Variants in LHFPL6 observed in about 807,000 individuals in gnomAD.
The protein encoded by LHFPL6 is LHFPL tetraspan subfamily member 6 protein.
A neutral mutation model predicts 20.6 loss-of-function variants in LHFPL6; 9 were observed. The observed-to-expected ratio is 0.44, with a 90% CI of 0.26 to 0.76. LHFPL6 has a LOEUF of 0.76. LHFPL6 is among the 30% of genes least tolerant of loss of function. The pLI is 0.20. For missense variants in LHFPL6, 218 were observed against 253.5 expected (o/e 0.86, Z 0.95); for synonymous variants, 105 against 98.7 (o/e 1.06, Z -0.38).
chr13:39,498,489 C>A (rs1023894817), intron 2 of LHFPL6, among the ~76,000 whole-genome samples: 6 of 152,164 alleles, frequency 3.9e-5, no homozygotes, highest in African/African-American at 1.2e-4. Flanking sequence ...GGCATATTGG[C>A]CCCTTTTTCT....
At chr13:39,588,316 A>G (rs1231692555) in intron 2 of LHFPL6, among the ~76,000 whole-genome samples, 2 of 152,232 alleles carry the variant, frequency 1.3e-5, no homozygotes, top group African/African-American at 2.4e-5. Flanking sequence ...TTTGACATAC[A>G]GTGGGCACTC....
intron 2 of LHFPL6, among the ~76,000 whole-genome samples, chr13:39,420,401 C>T (rs1260128115): frequency 1.3e-5 from 2 of 152,146 alleles, no homozygotes; most frequent in East Asian, 1.9e-4. Context: ...AATAGTAAGA[C>T]AAGCACTTAA....
At chr13:39,490,512 T>C (rs1868887355) in intron 2 of LHFPL6, among the ~76,000 whole-genome samples, 1 of 152,076 alleles carries the variant, frequency 6.6e-6, no homozygotes, top group Admixed American at 6.6e-5. Flanking sequence ...CTGGAAAAAA[T>C]CATGCTGGAT....
At chr13:39,435,896 T>C (rs1871945422) in intron 2 of LHFPL6, among the ~76,000 whole-genome samples, 2 of 152,154 alleles carry the variant, frequency 1.3e-5, no homozygotes, top group African/African-American at 4.8e-5. Context: ...AACTATTTTC[T>C]ATTAAACCAG....
intron 2 of LHFPL6, among the ~76,000 whole-genome samples, chr13:39,537,902 G>A (rs1317958562): frequency 6.6e-6 from 1 of 151,970 alleles, no homozygotes; most frequent in Non-Finnish European, 1.5e-5. Context: ...AACAAAAAAG[G>A]GAGCAAGAAA....
intron 2 of LHFPL6, among the ~76,000 whole-genome samples, chr13:39,548,042 C>T (rs142397618): frequency 9.1e-4 from 138 of 152,034 alleles, no homozygotes; most frequent in African/African-American, 2.4e-3. Flanking sequence ...CATTGTTCTA[C>T]GTCAAAGACA....
intron 2 of LHFPL6, among the ~76,000 whole-genome samples, chr13:39,524,290 G>A (rs559684979): frequency 2.6e-5 from 4 of 151,934 alleles, no homozygotes; most frequent in Non-Finnish European, 4.4e-5. Context: ...CAGGGTTTTG[G>A]GGGTTTTGTT....
intron 2 of LHFPL6, among the ~76,000 whole-genome samples, chr13:39,523,798 G>A (rs949937872): frequency 1.3e-5 from 2 of 152,258 alleles, no homozygotes; most frequent in Admixed American, 6.5e-5. Flanking sequence ...ATTTAAAAGT[G>A]AGTAAAACTT....
intron 2 of LHFPL6, among the ~76,000 whole-genome samples, chr13:39,402,365 T>C (rs533023732): frequency 6.6e-6 from 1 of 152,104 alleles, no homozygotes; most frequent in Non-Finnish European, 1.5e-5. Context: ...GCTGGGACTA[T>C]AGGCACGCAC....
intron 2 of LHFPL6, among the ~76,000 whole-genome samples, chr13:39,558,026 A>G (rs1374597038): frequency 6.6e-6 from 1 of 152,176 alleles, no homozygotes; most frequent in Admixed American, 6.5e-5. Context: ...TGCTGGCACC[A>G]TGCTTTCCGT....
intron 2 of LHFPL6, among the ~76,000 whole-genome samples, chr13:39,584,260 G>A (rs1387980450): frequency 6.6e-6 from 1 of 152,114 alleles, no homozygotes; most frequent in Non-Finnish European, 1.5e-5. Flanking sequence ...AAGAACCAAT[G>A]GCCGGGCACG....
intron 2 of LHFPL6, among the ~76,000 whole-genome samples, chr13:39,596,250 G>C (rs1222577216): frequency 6.6e-6 from 1 of 152,098 alleles, no homozygotes; most frequent in Non-Finnish European, 1.5e-5. Context: ...AACTACAGCA[G>C]CAGACCCCCT....
chr13:39,457,278 CT>C (rs1872593975), intron 2 of LHFPL6, among the ~76,000 whole-genome samples: 1 of 152,104 alleles, frequency 6.6e-6, no homozygotes, highest in Admixed American at 6.5e-5. Flanking sequence ...ATACGAAGAA[CT>C]CTTATAATTC....
intron 2 of LHFPL6, among the ~76,000 whole-genome samples, chr13:39,598,024 A>G (rs1424761025): frequency 6.6e-6 from 1 of 152,234 alleles, no homozygotes; most frequent in East Asian, 1.9e-4. Flanking sequence ...CTTTAGCTAA[A>G]CATAACCCTC....
At chr13:39,556,119 C>T (rs1871296439) in intron 2 of LHFPL6, among the ~76,000 whole-genome samples, 2 of 152,176 alleles carry the variant, frequency 1.3e-5, no homozygotes, top group South Asian at 4.2e-4. Context: ...GCCATGTTTC[C>T]TGTACAGCCA....
At chr13:39,517,503 A>G (rs1393738003) in intron 2 of LHFPL6, among the ~76,000 whole-genome samples, 2 of 152,192 alleles carry the variant, frequency 1.3e-5, no homozygotes, top group African/African-American at 4.8e-5. Context: ...ACTATTGTCT[A>G]TACTGAAGAT....
At position 39,571,340 on chromosome 13, in the gene LHFPL6, A is replaced by T. The variant is rs116787654; in HGVS notation, c.385+29492T>A. Among the ~76,000 whole-genome samples, 704 of 151,986 alleles carry T rather than the reference A, an allele frequency of 4.6e-3. 5 individuals are homozygous for T. Among genetic ancestry groups the T allele is most frequent in the African/African-American group, 0.016 (670 of 41,426 alleles). On this transcript the variant is annotated intron_variant, in intron 2 of 3. Transcript: ENST00000379589. ...CCCTTCACCTATTTTACATATCCCT[A>T]CCCTTTCCTAATTGGTCTTCTACAC...
intron 2 of LHFPL6, among the ~76,000 whole-genome samples, chr13:39,596,426 T>C (rs963403126): frequency 6.6e-6 from 1 of 152,164 alleles, no homozygotes; most frequent in African/African-American, 2.4e-5. Flanking sequence ...AGCAGCAGCA[T>C]CACCTGAAAA....
intron 2 of LHFPL6, among the ~76,000 whole-genome samples, chr13:39,456,840 A>G (rs1872583170): frequency 6.6e-6 from 1 of 151,666 alleles, no homozygotes; most frequent in Admixed American, 6.6e-5. Flanking sequence ...TCTGTAGCCC[A>G]GGCTGGAGTG....
Sources: allele counts gnomAD v4.1 joint callset (sites outside exome capture counted in the v4.1 genomes callset), GRCh38; gene constraint gnomAD v4.1.1; transcripts MANE v1.5; gene names NCBI Gene and HGNC (gene_info 2026-07-23, HGNC 2026-07-21).